Variants in TXNRD1 observed in about 807,000 individuals in gnomAD.
TXNRD1 encodes thioredoxin reductase 1, also known as thioredoxin reductase 1, cytoplasmic.
TXNRD1 carries 57 observed loss-of-function variants against 80.3 expected under a neutral mutation model. That is an observed-to-expected ratio of 0.71 (90% CI 0.57 to 0.89). TXNRD1 has a LOEUF of 0.89. Among genes scored for constraint, TXNRD1 ranks in the 40% least tolerant of loss-of-function variants. The pLI is 0.00. For missense variants in TXNRD1, 730 were observed against 803.0 expected (o/e 0.91, Z 1.10); for synonymous variants, 291 against 285.2 (o/e 1.02, Z -0.20).
At chr12:104,283,137 A>G (rs2033911085) in intron 3 of TXNRD1, among the ~76,000 whole-genome samples, 1 of 152,228 alleles carries the variant, frequency 6.6e-6, no homozygotes, top group Non-Finnish European at 1.5e-5. Flanking sequence ...AAGGAAATAA[A>G]AGATGAGAAT....
At chr12:104,241,506 G>A (rs1479406449) in intron 1 of TXNRD1, among the ~76,000 whole-genome samples, 1 of 152,038 alleles carries the variant, frequency 6.6e-6, no homozygotes, top group Non-Finnish European at 1.5e-5. Context: ...AAGTAGCTGG[G>A]ATTATAGGCA....
intron 4 of TXNRD1, among the ~76,000 whole-genome samples, chr12:104,308,321 A>C (rs906071970): frequency 6.6e-6 from 1 of 152,066 alleles, no homozygotes; most frequent in East Asian, 1.9e-4. Context: ...ATTCTCTTGC[A>C]TGTAAACTGT....
At chr12:104,343,474 C>T (rs1593885651) in intron 16 of TXNRD1, among the ~76,000 whole-genome samples, 1 of 152,152 alleles carries the variant, frequency 6.6e-6, no homozygotes, top group Admixed American at 6.5e-5. Context: ...GGCCATACCA[C>T]CCAGGTTTTC....
At chr12:104,337,031 C>T (rs1015474661) in intron 15 of TXNRD1, among the ~76,000 whole-genome samples, 16 of 152,076 alleles carry the variant, frequency 1.1e-4, no homozygotes, top group Admixed American at 9.8e-4. Context: ...CTTATGTTTG[C>T]CACCTATTTA....
chr12:104,289,145 G>GAA, intron 4 of TXNRD1, 105 bp downstream of exon 4: 2 of 1,377,018 alleles, frequency 1.5e-6, no homozygotes, highest in South Asian at 1.4e-5. Context: ...CCTCCAAACG[G>GAA]GACGCAGCGC....
chr12:104,327,347 C>T (rs1171623940), intron 12 of TXNRD1, among the ~76,000 whole-genome samples, 168 bp from the exon 13 acceptor site: 3 of 152,126 alleles, frequency 2.0e-5, no homozygotes, highest in African/African-American at 7.2e-5. Flanking sequence ...TTGTCATTAT[C>T]TGATAAGATT....
At chr12:104,248,997 C>G (rs913186282) in intron 1 of TXNRD1, among the ~76,000 whole-genome samples, 14 of 152,094 alleles carry the variant, frequency 9.2e-5, no homozygotes, top group African/African-American at 3.4e-4. Context: ...AAATTACAAG[C>G]GAGAAATTAC....
intron 12 of TXNRD1, among the ~76,000 whole-genome samples, chr12:104,327,019 C>A (rs1438787143): frequency 2.0e-5 from 3 of 150,918 alleles, no homozygotes; most frequent in South Asian, 2.1e-4. Context: ...CCAGGCTGGT[C>A]TCCATCTTTT....
At chr12:104,319,941 T>C (rs1262271833) in intron 9 of TXNRD1, among the ~76,000 whole-genome samples, 1 of 152,214 alleles carries the variant, frequency 6.6e-6, no homozygotes, top group Non-Finnish European at 1.5e-5. Flanking sequence ...GTATGATACA[T>C]ATATACATTT....
At chr12:104,250,550 A>G (rs1418937597) in intron 1 of TXNRD1, among the ~76,000 whole-genome samples, 2 of 152,202 alleles carry the variant, frequency 1.3e-5, no homozygotes, top group Non-Finnish European at 2.9e-5. Flanking sequence ...GAAGTTGCAT[A>G]ACCTCTCTGA....
chr12:104,302,164 C>T (rs2034652721), intron 4 of TXNRD1, among the ~76,000 whole-genome samples: 2 of 152,098 alleles, frequency 1.3e-5, no homozygotes, highest in African/African-American at 4.8e-5. Context: ...GCACGTATCT[C>T]CCTGAATTAC....
chr12:104,263,577 A>C (rs565093629), intron 3 of TXNRD1, among the ~76,000 whole-genome samples: 2 of 152,282 alleles, frequency 1.3e-5, no homozygotes, highest in African/African-American at 4.8e-5. Flanking sequence ...TTGTATCTAT[A>C]CTTCAGGTGT....
Position 104,229,164 on chromosome 12 carries a change from T to TG in TXNRD1, c.91+13271_91+13272insG, listed in dbSNP as rs1491037425. On this transcript the variant is annotated intron_variant, in intron 1 of 16. Coordinates refer to ENST00000525566, the MANE Select transcript of TXNRD1 (RefSeq NM_001093771.3). ...CTTTTCTTTTTTTTTTTTTTTTTTT[T>TG]TGAGACAGGGTCTCACTTTGTCACC... 9.0e-5 allele frequency among the ~76,000 whole-genome samples: 11 copies of TG among 122,864 alleles called. 1 individual carries two copies. The highest frequency in any genetic ancestry group is 2.1e-4 in the African/African-American group (7 of 33,400). The allele number at this position is 122,864 out of a possible 152,430, so 80.6% of individuals were successfully genotyped here. A position where few individuals can be genotyped will look rare whatever the true frequency, so the allele number is the denominator to read the frequency against.
chr12:104,252,121 T>C (rs1422480269), intron 2 of TXNRD1, among the ~76,000 whole-genome samples: 3 of 151,136 alleles, frequency 2.0e-5, no homozygotes, highest in Non-Finnish European at 4.4e-5. Context: ...TCAGAGTAAT[T>C]GTAAAATGTG....
intron 4 of TXNRD1, chr12:104,304,134 C>T: frequency 6.2e-7 from 1 of 1,614,068 alleles, no homozygotes; most frequent in Non-Finnish European, 8.5e-7. Flanking sequence ...AACTCCTTAA[C>T]CGAGGCTCTG....
intron 1 of TXNRD1, among the ~76,000 whole-genome samples, chr12:104,223,460 A>T (rs1279435636): frequency 6.6e-6 from 1 of 152,166 alleles, no homozygotes; most frequent in East Asian, 1.9e-4. Context: ...GAGATCAAGG[A>T]AGAAGGGGAA....
At chr12:104,265,600 C>G in intron 3 of TXNRD1, 1 of 1,607,520 alleles carries the variant, frequency 6.2e-7, no homozygotes, top group South Asian at 1.1e-5. Context: ...CCGGGAATAC[C>G]GGGACCTGAC....
At chr12:104,263,273 T>G (rs1203452924) in intron 3 of TXNRD1, among the ~76,000 whole-genome samples, 6 of 152,156 alleles carry the variant, frequency 3.9e-5, no homozygotes, top group Admixed American at 3.9e-4. Flanking sequence ...AAAGTATTAG[T>G]ATACAGGGTG....
At chr12:104,305,656 T>C (rs111832525) in intron 4 of TXNRD1, among the ~76,000 whole-genome samples, 5,876 of 152,318 alleles carry the variant, frequency 0.039, 165 homozygotes, top group Middle Eastern at 0.12. Context: ...AAAACTATTA[T>C]ATTTGATAAG....
Sources: gnomAD v4.1 joint callset for allele counts (sites outside exome capture counted in the v4.1 genomes callset) on GRCh38, gnomAD v4.1.1 for gene constraint, MANE v1.5 for transcripts, NCBI Gene and HGNC (gene_info 2026-07-23, HGNC 2026-07-21) for gene names.